Variants in TMEM236 observed in about 807,000 individuals in gnomAD.
The protein encoded by TMEM236 is family with sequence similarity 23, member A.
Under a neutral mutation model 14.7 loss-of-function variants are expected in TMEM236, and 11 were observed. The ratio of observed to expected loss-of-function variants is 0.75; its 90% CI spans 0.47 to 1.24. The LOEUF (loss-of-function observed/expected upper bound fraction) is 1.24. TMEM236 is among the 50% of genes most tolerant of loss of function. TMEM236 has a pLI of 0.00. For missense variants in TMEM236, 464 were observed against 427.3 expected (o/e 1.09, Z -0.76); for synonymous variants, 182 against 168.6 (o/e 1.08, Z -0.62).
At chr10:17,781,170 C>T (rs1296192926) in intron 3 of TMEM236, among the ~76,000 whole-genome samples, 1 of 152,176 alleles carries the variant, frequency 6.6e-6, no homozygotes, top group Non-Finnish European at 1.5e-5. Flanking sequence ...GCTTGCTTGT[C>T]TGTGTCTGCA....
At position 17,796,441 on chromosome 10, in the gene TMEM236, C is replaced by A. The variant is rs1838016747; in HGVS notation, c.993C>A (p.Tyr331Ter). 8.1e-6 allele frequency: 13 copies of A among 1,613,774 alleles called. No homozygotes were observed. The Admixed American group carries it at 1.5e-4, about 19-fold the overall frequency. ...AAAATATCCTCGTGACTCTCTCTTA[C>A]ATTTACTTCAATTACCTAACCAGAA... ...LCKNILVTLS[Y>*]IYFNYLTRIR... The change falls in exon 4 of 4, where the codon TAC (tyrosine) becomes TAA (stop). Residue 331 changes from tyrosine (Y) to a stop codon, truncating the protein, a stop_gained. Coordinates refer to ENST00000377495, the MANE Select transcript of TMEM236 (RefSeq NM_001098844.3). LOFTEE classifies it high-confidence loss of function.
chr10:17,776,741 C>T (rs1837663911), intron 3 of TMEM236, among the ~76,000 whole-genome samples: 1 of 152,026 alleles, frequency 6.6e-6, no homozygotes. Context: ...TTGAGACCAG[C>T]CTGAGCAACA....
intron 3 of TMEM236, among the ~76,000 whole-genome samples, chr10:17,787,405 C>G (rs1272007311): frequency 1.3e-5 from 2 of 152,220 alleles, no homozygotes; most frequent in African/African-American, 4.8e-5. Context: ...CATGGCCTTG[C>G]TTAAGGGGCT....
intron 2 of TMEM236, among the ~76,000 whole-genome samples, chr10:17,775,299 G>A (rs782276597): frequency 0.073 from 11,127 of 152,136 alleles, 716 homozygotes; most frequent in East Asian, 0.18. Context: ...TTGTGGGGCA[G>A]GGTCTTGCTC....
intron 2 of TMEM236, 87 bp downstream of exon 2, chr10:17,771,468 C>A: frequency 7.6e-7 from 1 of 1,324,014 alleles, no homozygotes; most frequent in East Asian, 2.3e-5. Flanking sequence ...GCGTGCTCAA[C>A]AAATTTCTTG....
At chr10:17,772,784 T>G (rs1007815902) in intron 2 of TMEM236, among the ~76,000 whole-genome samples, 91 of 152,292 alleles carry the variant, frequency 6.0e-4, no homozygotes, top group African/African-American at 2.1e-3. Context: ...TTTTATTTTA[T>G]TTTTGTATCA....
intron 1 of TMEM236, among the ~76,000 whole-genome samples, chr10:17,755,920 A>G (rs1837278249): frequency 6.6e-6 from 1 of 152,160 alleles, no homozygotes; most frequent in South Asian, 2.1e-4. Context: ...TTGATTCTTT[A>G]TAGATCACTG....
At chr10:17,787,736 C>T (rs933645882) in intron 3 of TMEM236, among the ~76,000 whole-genome samples, 8 of 152,198 alleles carry the variant, frequency 5.3e-5, no homozygotes, top group Non-Finnish European at 5.9e-5. Context: ...TTGCGGAGCT[C>T]CTGGTCTAGA....
rs1284687755 is a variant in TMEM236 at position 17,800,043 on chromosome 10, T to C, written c.*3539T>C. ...ACACTGTAATTAAATGTTATATATATTATTAAAATTATTAGGTTGGTGCAA... is the reference window on the plus strand; with the variant it reads ...ACACTGTAATTAAATGTTATATATACTATTAAAATTATTAGGTTGGTGCAA... On this transcript the variant is annotated 3_prime_UTR_variant, in exon 4 of 4. Transcript: ENST00000377495. 1 of 152,060 alleles carries C rather than the reference T, an allele frequency of 6.6e-6. No homozygotes were observed. Among genetic ancestry groups the C allele is most frequent in the Non-Finnish European group, 1.5e-5 (1 of 68,014 alleles). 9.4% of individuals were successfully genotyped at this position (152,060 alleles called of 1,614,324 possible). A position where few individuals can be genotyped will look rare whatever the true frequency, so the allele number is the denominator to read the frequency against.
intron 1 of TMEM236, among the ~76,000 whole-genome samples, chr10:17,762,227 C>G (rs929057033): frequency 6.6e-6 from 1 of 152,134 alleles, no homozygotes; most frequent in Non-Finnish European, 1.5e-5. Context: ...CACGCCACAT[C>G]TCAGTCTGCT....
intron 1 of TMEM236, among the ~76,000 whole-genome samples, chr10:17,770,098 G>C (rs1019261950): frequency 6.6e-6 from 1 of 152,116 alleles, no homozygotes; most frequent in South Asian, 2.1e-4. Flanking sequence ...TTGGTTTTCT[G>C]TTCCTGAGTT....
At chr10:17,766,599 T>A (rs1837468405) in intron 1 of TMEM236, among the ~76,000 whole-genome samples, 1 of 152,184 alleles carries the variant, frequency 6.6e-6, no homozygotes, top group Admixed American at 6.5e-5. Flanking sequence ...ACTCTCCCAG[T>A]CTCTACTCAT....
At chr10:17,764,505 G>A (rs2477669) in intron 1 of TMEM236, among the ~76,000 whole-genome samples, 131,046 of 152,230 alleles carry the variant, frequency 0.86, 56,661 homozygotes, top group East Asian at 1. Flanking sequence ...CCTAAATTCT[G>A]TTATTTGTAG....
At chr10:17,793,147 T>C (rs2131768031) in intron 3 of TMEM236, among the ~76,000 whole-genome samples, 1 of 152,316 alleles carries the variant, frequency 6.6e-6, no homozygotes, top group South Asian at 2.1e-4. Context: ...AGACCTAATC[T>C]CACCACATAC....
intron 1 of TMEM236, among the ~76,000 whole-genome samples, chr10:17,754,663 G>A (rs1837257465): frequency 6.6e-6 from 1 of 152,044 alleles, no homozygotes; most frequent in African/African-American, 2.4e-5. Flanking sequence ...TACTGTGTTG[G>A]TAAATTCTGT....
chr10:17,762,618 TACAC>T lies in TMEM236; in HGVS notation c.258-8687_258-8684del, dbSNP rs1300902533. Among the ~76,000 whole-genome samples the T allele has an allele frequency of 4.7e-3, 298 of 63,792 alleles. 1 individual carries two copies. The highest frequency in any genetic ancestry group is 0.015 in the African/African-American group (160 of 11,000). The allele number at this position is 63,792 out of a possible 152,430, so 41.9% of individuals were successfully genotyped here. On this transcript the variant is annotated intron_variant, in intron 1 of 3. Transcript: ENST00000377495. ...ATATATATATATATATATATATATA[TACAC>T]ACATACATATATATATATATTTAGG...
rs904503779 is a variant in TMEM236 at position 17,764,772 on chromosome 10, A to G, written c.258-6537A>G. On this transcript the variant is annotated intron_variant, in intron 1 of 3. Coordinates refer to ENST00000377495, the MANE Select transcript of TMEM236 (RefSeq NM_001098844.3). ...CTCTGATCTGTGCCTTCATCTTCAC[A>G]TGGCATTCTTCCTATGTGTCCTCGC... Among the ~76,000 whole-genome samples, 939 of 150,556 alleles carry G rather than the reference A, an allele frequency of 6.2e-3. 8 individuals are homozygous for G. The highest frequency in any genetic ancestry group is 0.011 in the Non-Finnish European group (740 of 67,842).
intron 1 of TMEM236, among the ~76,000 whole-genome samples, chr10:17,763,447 A>G (rs71497204): frequency 6.6e-6 from 1 of 151,552 alleles, no homozygotes; most frequent in African/African-American, 2.4e-5. Context: ...AGAAAAGAAA[A>G]CCCTCAATGC....
Position 17,798,740 on chromosome 10 carries a change from A to G in TMEM236, c.*2236A>G, listed in dbSNP as rs942692131. 1 of 530,556 alleles carries G rather than the reference A, an allele frequency of 1.9e-6. No individual in the cohort carries two copies. The highest frequency in any genetic ancestry group is 3.9e-6 in the Non-Finnish European group (1 of 257,992). The allele number at this position is 530,556 out of a possible 1,614,324, so 32.9% of individuals were successfully genotyped here. On this transcript the variant is annotated 3_prime_UTR_variant, in exon 4 of 4. Coordinates refer to ENST00000377495, the MANE Select transcript of TMEM236 (RefSeq NM_001098844.3). The stretch of plus-strand genomic sequence containing the variant: ...AACCTCTGTGGGTCCCCGTTTCCAC[A>G]TGTAAAAGATGAACATAATACTAGT...
Sources: allele counts gnomAD v4.1 joint callset (sites outside exome capture counted in the v4.1 genomes callset), GRCh38; gene constraint gnomAD v4.1.1; transcripts MANE v1.5; gene names NCBI Gene and HGNC (gene_info 2026-07-23, HGNC 2026-07-21).